Variants in PCDHA11 observed in about 807,000 individuals in gnomAD.
PCDHA11 encodes the protein protocadherin alpha 11, also known as protocadherin alpha-11.
Under a neutral mutation model 70.3 loss-of-function variants are expected in PCDHA11, and 61 were observed. That is an observed-to-expected ratio of 0.87 (90% CI 0.71 to 1.07). The LOEUF (loss-of-function observed/expected upper bound fraction) is 1.07. PCDHA11 is among the 50% of genes least tolerant of loss of function. The pLI is 0.00. For synonymous variants in PCDHA11, 633 were observed against 555.1 expected (o/e 1.14, Z -1.97); for missense variants, 1,324 against 1,237.5 (o/e 1.07, Z -1.05).
At chr5:140,921,781 G>C (rs1393443819) in intron 1 of PCDHA11, among the ~76,000 whole-genome samples, 1 of 151,986 alleles carries the variant, frequency 6.6e-6, no homozygotes, top group Non-Finnish European at 1.5e-5. Context: ...TACTGACTTG[G>C]ATGTTCTAGA....
At chr5:140,912,689 CA>C (rs781833135) in intron 1 of PCDHA11, among the ~76,000 whole-genome samples, 5 of 152,112 alleles carry the variant, frequency 3.3e-5, no homozygotes, top group African/African-American at 4.8e-5. Context: ...TTCCAGGTCT[CA>C]GGGGGAATGC....
intron 1 of PCDHA11, chr5:140,967,890 C>G: frequency 6.2e-7 from 1 of 1,614,176 alleles, no homozygotes; most frequent in Non-Finnish European, 8.5e-7. Context: ...AGCCCAGTGC[C>G]TGAGAATGCT....
chr5:140,939,903 CT>C (rs1485545948), intron 1 of PCDHA11, among the ~76,000 whole-genome samples: 1 of 152,046 alleles, frequency 6.6e-6, no homozygotes, highest in Non-Finnish European at 1.5e-5. Context: ...ATTCTGCATT[CT>C]TTTTTATTCT....
chr5:140,900,141 A>G (rs2067777266), intron 1 of PCDHA11, among the ~76,000 whole-genome samples: 1 of 152,202 alleles, frequency 6.6e-6, no homozygotes, highest in Middle Eastern at 3.2e-3. Context: ...ACAAATAAGT[A>G]AGAACATACG....
At chr5:141,003,515 G>T (rs1402480495) in intron 3 of PCDHA11, among the ~76,000 whole-genome samples, 1 of 152,114 alleles carries the variant, frequency 6.6e-6, no homozygotes, top group African/African-American at 2.4e-5. Context: ...GTTTCACCAT[G>T]TTCCCTAGGC....
intron 1 of PCDHA11, among the ~76,000 whole-genome samples, chr5:140,960,097 T>C (rs2095526762): frequency 6.6e-6 from 1 of 152,232 alleles, no homozygotes. Context: ...AAGAAACTTG[T>C]AGTTGTGGGA....
intron 1 of PCDHA11, chr5:140,928,137 C>A (rs537220203): frequency 6.2e-7 from 1 of 1,614,182 alleles, no homozygotes; most frequent in South Asian, 1.1e-5. Flanking sequence ...AAGTCCTGAT[C>A]ACGGCCTCAG....
chr5:140,927,920 T>G (rs782193396), intron 1 of PCDHA11: 1 of 1,614,120 alleles, frequency 6.2e-7, no homozygotes, highest in Non-Finnish European at 8.5e-7. Flanking sequence ...CTGGACTTCC[T>G]GACTCTTTCG....
chr5:140,960,120 C>A (rs2095527331), intron 1 of PCDHA11, among the ~76,000 whole-genome samples: 1 of 152,118 alleles, frequency 6.6e-6, no homozygotes, highest in African/African-American at 2.4e-5. Context: ...AATAGTATTC[C>A]TTATGAAATA....
chr5:140,917,955 C>T (rs1439909877), intron 1 of PCDHA11, among the ~76,000 whole-genome samples: 1 of 151,916 alleles, frequency 6.6e-6, no homozygotes, highest in Admixed American at 6.6e-5. Context: ...TTGATAGGAA[C>T]ATCATTGAAT....
chr5:140,969,076 T>C, intron 1 of PCDHA11: 2 of 1,614,162 alleles, frequency 1.2e-6, no homozygotes, highest in South Asian at 2.2e-5. Flanking sequence ...GGATACCGCA[T>C]GGCCTCAAAG....
At chr5:140,885,267 C>CAT (rs1219745687) in intron 1 of PCDHA11, among the ~76,000 whole-genome samples, 1 of 151,978 alleles carries the variant, frequency 6.6e-6, no homozygotes, top group East Asian at 1.9e-4. Context: ...ATTACTCATA[C>CAT]ATATATATAT....
chr5:140,976,679 G>A (rs1314378983), intron 1 of PCDHA11, among the ~76,000 whole-genome samples: 2 of 152,086 alleles, frequency 1.3e-5, no homozygotes, highest in African/African-American at 4.8e-5. Flanking sequence ...TCTCATTTTT[G>A]CAATTTAAGT....
chr5:140,885,293 G>C (rs945786135), intron 1 of PCDHA11, among the ~76,000 whole-genome samples: 8 of 152,122 alleles, frequency 5.3e-5, no homozygotes, highest in Non-Finnish European at 1.5e-5. Context: ...TATAGAGAGA[G>C]ACCTGGTAGG....
intron 1 of PCDHA11, among the ~76,000 whole-genome samples, chr5:140,873,139 A>G (rs1325307438): frequency 6.6e-6 from 1 of 152,216 alleles, no homozygotes; most frequent in Non-Finnish European, 1.5e-5. Context: ...TCTATGCTGA[A>G]GCCTATTCAT....
intron 1 of PCDHA11, chr5:140,968,106 C>A: frequency 6.2e-7 from 1 of 1,614,134 alleles, no homozygotes; most frequent in Non-Finnish European, 8.5e-7. Flanking sequence ...GGGGGAATAC[C>A]GCAGCTCACA....
chr5:140,877,914 A>AT (rs2057394520), intron 1 of PCDHA11: 3 of 1,426,804 alleles, frequency 2.1e-6, no homozygotes, highest in Non-Finnish European at 2.8e-6. Flanking sequence ...ACATTCTCTC[A>AT]TTTTTCTTTA....
At chr5:140,953,025 G>A (rs1408416785) in intron 1 of PCDHA11, among the ~76,000 whole-genome samples, 9 of 152,024 alleles carry the variant, frequency 5.9e-5, no homozygotes, top group African/African-American at 1.9e-4. Flanking sequence ...ACATTAAGGG[G>A]GAAATCCACC....
Position 140,883,762 on chromosome 5 carries a change from G to A in PCDHA11, c.2391+12268G>A, listed in dbSNP as rs782515575. 5 of 1,612,794 alleles carry A rather than the reference G, an allele frequency of 3.1e-6. No homozygotes were observed. The South Asian group carries it at 5.5e-5, about 18-fold the overall frequency. On this transcript the variant is annotated intron_variant, in intron 1 of 3. Coordinates refer to ENST00000398640, the MANE Select transcript of PCDHA11 (RefSeq NM_018902.5). ...TCTCCTACTCGCTGGTGGAGCGGCG[G>A]GTGGGCGAGCGTGCGCTGTCGAGCT... is the stretch of plus-strand genomic sequence containing the variant.
Sources: gnomAD v4.1 joint callset for allele counts (sites outside exome capture counted in the v4.1 genomes callset) on GRCh38, gnomAD v4.1.1 for gene constraint, MANE v1.5 for transcripts, NCBI Gene and HGNC (gene_info 2026-07-23, HGNC 2026-07-21) for gene names.